The following UPF1 variants were observed in gnomAD, a reference collection of about 807,000 sequenced individuals.
UPF1 encodes UPF1 RNA helicase and ATPase, also known as regulator of nonsense transcripts 1.
UPF1 carries 9 observed loss-of-function variants against 129.2 expected under a neutral mutation model. That is an observed-to-expected ratio of 0.07 (90% CI 0.04 to 0.12). The LOEUF (loss-of-function observed/expected upper bound fraction) is 0.12. Ranked by LOEUF, UPF1 falls within the 10% of genes least tolerant of loss-of-function variation. The pLI is 1.00. For synonymous variants in UPF1, 649 were observed against 644.9 expected, an observed-to-expected ratio of 1.01 and a Z score of -0.10; for missense variants, 788 against 1,525.3, an observed-to-expected ratio of 0.52 and a Z score of 8.05.
chr19:18,849,098 C>T lies in UPF1; in HGVS notation c.462-977C>T, dbSNP rs145877137. On this transcript the variant is annotated intron_variant, in intron 3 of 23. Transcript: ENST00000262803. Reference sequence around the variant, plus strand: ...CAGGGTGAGGATGCATGAGAAGACACGGAGACAGCTGATTCTGCCCACGTG... The same window carrying T: ...CAGGGTGAGGATGCATGAGAAGACATGGAGACAGCTGATTCTGCCCACGTG... 9.1e-3 allele frequency: 1,382 copies of T among 152,422 alleles called. 22 individuals are homozygous for T. Among genetic ancestry groups the T allele is most frequent in the African/African-American group, 0.031 (1,280 of 41,560 alleles). The allele number at this position is 152,422 out of a possible 1,614,324, so 9.4% of individuals were successfully genotyped here. A position where few individuals can be genotyped will look rare whatever the true frequency, so the allele number is the denominator to read the frequency against.
In UPF1 at chr19:18,860,417, C is replaced by T. The variant is rs773655050; in HGVS notation, c.2279C>T (p.Ser760Leu). 6.2e-7 allele frequency: 1 copy of T among 1,614,064 alleles called. No individual in the cohort carries two copies. Among genetic ancestry groups the T allele is most frequent in the East Asian group, 2.2e-5 (1 of 44,886 alleles). Reference protein sequence around the residue: ...VTQGQEEIASSGTSYLNRTEA... With the variant: ...VTQGQEEIASLGTSYLNRTEA... ...CAGGGCCAAGAGGAGATTGCCAGCT[C>T]GGGCACCTCCTACCTGAACAGGTGA... The change falls in exon 16 of 24, where the codon TCG becomes TTG. Residue 760 changes from serine (S) to leucine (L), a missense_variant. Around this residue, in one of 6 missense-constraint regions of UPF1, gnomAD observed 140 missense variants for 385.9 expected, o/e 0.36. Transcript: ENST00000262803.
chr19:18,860,578 C>A, intron 16 of UPF1, 140 bp downstream of exon 16: 1 of 948,724 alleles, frequency 1.1e-6, no homozygotes, highest in Non-Finnish European at 1.6e-6. Context: ...GACTCTAAAC[C>A]GTGTTGTTTC....
rs1457147904 is a variant in UPF1, at chr19:18,851,827, G to A, written c.811-308G>A. ...GAAGGTGCCCTCTGCTGTGGACAGT[G>A]TGTCAGGCTGGTGCCTGGGGCTTTG... On this transcript the variant is annotated intron_variant, in intron 5 of 23. Coordinates refer to ENST00000262803, the MANE Select transcript of UPF1 (RefSeq NM_002911.4). This position sits in a 1 kb window ranked among gnomAD's most constrained non-coding sequence, Gnocchi z 4.2. Among the ~76,000 whole-genome samples, 1 of 152,262 alleles carries A rather than the reference G, an allele frequency of 6.6e-6. No homozygotes were observed. Among genetic ancestry groups the A allele is most frequent in the African/African-American group, 2.4e-5 (1 of 41,476 alleles).
chr19:18,849,955 T>C, intron 3 of UPF1, 120 bp from the exon 4 acceptor site: 1 of 1,274,826 alleles, frequency 7.8e-7, no homozygotes, highest in Non-Finnish European at 1.1e-6. Flanking sequence ...ATGGATGAGG[T>C]GTGACTGCCT....
Position 18,850,674 on chromosome 19 carries a change from C to T in UPF1, c.630-14C>T. On this transcript the variant is annotated splice_polypyrimidine_tract_variant and intron_variant, in intron 4 of 23. Coordinates refer to ENST00000262803, the MANE Select transcript of UPF1 (RefSeq NM_002911.4). The surrounding 1 kb of genome is among the most constrained non-coding windows in gnomAD (Gnocchi z 7.1). ...GACGGGAGCTGGTCCTCACGGCCCC[C>T]TCCCGCTCTGCAGGCAGCCCTGTGC... is the stretch of plus-strand genomic sequence containing the variant. The T allele has an allele frequency of 6.4e-7, 1 of 1,560,378 alleles. No individual in the cohort carries two copies. The highest frequency in any genetic ancestry group is 1.2e-5 in the South Asian group (1 of 85,202).
intron 13 of UPF1, 89 bp from the exon 14 acceptor site, chr19:18,856,785 CAGG>C: frequency 6.7e-7 from 1 of 1,487,694 alleles, no homozygotes; most frequent in Admixed American, 2.4e-5. Flanking sequence ...GGGTGAGAAA[CAGG>C]AGAGCTTCTG....
chr19:18,834,641 G>A (rs1251680226), intron 1 of UPF1, among the ~76,000 whole-genome samples: 1 of 152,222 alleles, frequency 6.6e-6, no homozygotes, highest in Admixed American at 6.5e-5. Flanking sequence ...TGTTTGTGGG[G>A]AATGGGAGTG....
chr19:18,865,169 A>G lies in UPF1; in HGVS notation c.2858-120A>G. 7.8e-7 allele frequency: 1 copy of G among 1,285,772 alleles called. No homozygotes were observed. The highest frequency in any genetic ancestry group is 1.1e-6 in the Non-Finnish European group (1 of 945,434). 79.6% of individuals were successfully genotyped at this position (1,285,772 alleles called of 1,614,324 possible). A position where few individuals can be genotyped will look rare whatever the true frequency, so the allele number is the denominator to read the frequency against. On this transcript the variant is annotated intron_variant, in intron 20 of 23. Coordinates refer to ENST00000262803, the MANE Select transcript of UPF1 (RefSeq NM_002911.4). This position sits in a 1 kb window ranked among gnomAD's most constrained non-coding sequence, Gnocchi z 6.1. ...TGGAGTCCTGCGAATCCGCATCTTC[A>G]GCCTGGGCAGAGCCAGGACAGATGT...
chr19:18,842,698 T>C (rs1213025285), intron 1 of UPF1, among the ~76,000 whole-genome samples: 3 of 151,750 alleles, frequency 2.0e-5, no homozygotes, highest in South Asian at 4.2e-4. Flanking sequence ...ATTTTTTTAA[T>C]TAAAAAAAAT....
At chr19:18,842,362 T>C (rs2055550887) in intron 1 of UPF1, among the ~76,000 whole-genome samples, 2 of 152,046 alleles carry the variant, frequency 1.3e-5, no homozygotes, top group Non-Finnish European at 1.5e-5. Flanking sequence ...CCAGCTGTTT[T>C]GTGGGGATGT....
At position 18,851,252 on chromosome 19, in the gene UPF1, G is replaced by A. The variant is rs2238654; in HGVS notation, c.810+384G>A. Reference sequence around the variant, plus strand: ...TCCTGGGGAAATAGGTTGGTGTCGAGGTCGGCACAGTCAGCTGAGACAGAG... The same window carrying A: ...TCCTGGGGAAATAGGTTGGTGTCGAAGTCGGCACAGTCAGCTGAGACAGAG... On this transcript the variant is annotated intron_variant, in intron 5 of 23. Coordinates refer to ENST00000262803, the MANE Select transcript of UPF1 (RefSeq NM_002911.4). The surrounding 1 kb of genome is among the most constrained non-coding windows in gnomAD (Gnocchi z 4.2). The A allele has an allele frequency of 0.31, 51,373 of 163,936 alleles. 9,824 individuals carry two copies. Among genetic ancestry groups the A allele is most frequent in the Middle Eastern group, 0.48 (157 of 326 alleles). The allele number at this position is 163,936 out of a possible 1,614,324, so 10.2% of individuals were successfully genotyped here.
chr19:18,866,297 G>A (rs2055843435), intron 23 of UPF1, 131 bp downstream of exon 23: 2 of 1,346,808 alleles, frequency 1.5e-6, no homozygotes, highest in Non-Finnish European at 1.9e-6. Flanking sequence ...GGGGTCATAG[G>A]CCCTCAGGGC....
intron 1 of UPF1, among the ~76,000 whole-genome samples, chr19:18,837,376 T>C (rs1235045889): frequency 6.6e-6 from 1 of 152,180 alleles, no homozygotes; most frequent in Non-Finnish European, 1.5e-5. Flanking sequence ...GAGTGAGCCA[T>C]TGAGCCTGGC....
At chr19:18,835,879 G>C (rs1249079613) in intron 1 of UPF1, among the ~76,000 whole-genome samples, 2 of 152,176 alleles carry the variant, frequency 1.3e-5, no homozygotes, top group African/African-American at 4.8e-5. Flanking sequence ...CTGCAAGACT[G>C]TTTTCCAGTG....
chr19:18,862,287 A>C, intron 18 of UPF1, 135 bp downstream of exon 18: 1 of 1,366,448 alleles, frequency 7.3e-7, no homozygotes, highest in Non-Finnish European at 9.8e-7. Context: ...ACGATGTCTC[A>C]CTGGAGAGAT....
At position 18,853,832 on chromosome 19, in the gene UPF1, G is replaced by C. The variant is rs935079759; in HGVS notation, c.1156+482G>C. Among the ~76,000 whole-genome samples the C allele has an allele frequency of 6.6e-6, 1 of 152,206 alleles. No homozygotes were observed. Among genetic ancestry groups the C allele is most frequent in the South Asian group, 2.1e-4 (1 of 4,828 alleles). ...GATGCAGCCTGCCGGCCAGAGTGGGGCAGCTGTAAGGCACAGGTGCAGTCA... is the reference window on the plus strand; with the variant it reads ...GATGCAGCCTGCCGGCCAGAGTGGGCCAGCTGTAAGGCACAGGTGCAGTCA... On this transcript the variant is annotated intron_variant, in intron 8 of 23. Coordinates refer to ENST00000262803, the MANE Select transcript of UPF1 (RefSeq NM_002911.4). The surrounding 1 kb of genome is among the most constrained non-coding windows in gnomAD (Gnocchi z 4.4).
In UPF1 at chr19:18,866,103, C is replaced by T. The variant is rs140929349; in HGVS notation, c.3297C>T (p.Ser1099=). The change falls in exon 23 of 24, where the codon TCC becomes TCT. Residue 1099 remains serine (S), a synonymous_variant. Transcript: ENST00000262803. ...SQIDVALSQD[S]TYQGERAYQH... ...TCGACGTGGCGCTCTCACAGGACTCCACGTACCAGGGAGAGCGGGCTTACC... is the reference window on the plus strand; with the variant it reads ...TCGACGTGGCGCTCTCACAGGACTCTACGTACCAGGGAGAGCGGGCTTACC... The T allele has an allele frequency of 8.7e-5, 140 of 1,612,942 alleles. No homozygotes were observed. The highest frequency in any genetic ancestry group is 1.1e-4 in the Non-Finnish European group (131 of 1,179,774).
rs1308859646 is a variant in UPF1 at position 18,868,019 on chromosome 19, T to TGACCCCGCGGC, written c.*1504_*1514dup. On this transcript the variant is annotated 3_prime_UTR_variant, in exon 24 of 24. Coordinates refer to ENST00000262803, the MANE Select transcript of UPF1 (RefSeq NM_002911.4). Reference sequence around the variant, plus strand: ...GCATGCACCGGGTAGGTTTCCGCGGTGACCCCGCGGCGGCCTGAGGGACGC... The same window carrying TGACCCCGCGGC: ...GCATGCACCGGGTAGGTTTCCGCGGTGACCCCGCGGCGACCCCGCGGCGGCCTGAGGGACGC... 2 of 157,698 alleles carry TGACCCCGCGGC rather than the reference T, an allele frequency of 1.3e-5. No homozygotes were observed. Among genetic ancestry groups the TGACCCCGCGGC allele is most frequent in the Admixed American group, 6.1e-5 (1 of 16,312 alleles). The allele number at this position is 157,698 out of a possible 1,614,324, so 9.8% of individuals were successfully genotyped here.
rs80065570 is a variant in UPF1 at position 18,832,347 on chromosome 19, G to A, written c.138G>A (p.Thr46=). ...TDFTLPSQTQ[T]PPGGPGGPGG... The stretch of plus-strand genomic sequence containing the variant: ...TTACTCTTCCTAGCCAGACGCAGAC[G>A]CCCCCCGGCGGCCCCGGCGGCCCGG... The change falls in exon 1 of 24, where the codon ACG becomes ACA. Residue 46 remains threonine, a synonymous_variant. Transcript: ENST00000262803. The surrounding 1 kb of genome is among the most constrained non-coding windows in gnomAD (Gnocchi z 5.6). The A allele has an allele frequency of 0.034, 46,882 of 1,380,430 alleles. 928 individuals carry two copies. Among genetic ancestry groups the A allele is most frequent in the East Asian group, 0.081 (2,522 of 31,210 alleles). The allele number at this position is 1,380,430 out of a possible 1,614,324, so 85.5% of individuals were successfully genotyped here.
Sources: gnomAD v4.1 joint callset for allele counts (sites outside exome capture counted in the v4.1 genomes callset) on GRCh38, gnomAD v4.1.1 for gene constraint, gnomAD v4.1.1 regional missense constraint, Gnocchi (gnomAD v3.1) non-coding constraint, MANE v1.5 for transcripts, NCBI Gene and HGNC (gene_info 2026-07-23, HGNC 2026-07-21) for gene names.